IPO11: variants seen among roughly 807,000 people sequenced by gnomAD.
IPO11 encodes importin 11.
IPO11 carries 66 observed loss-of-function variants against 143.2 expected under a neutral mutation model. That is an observed-to-expected ratio of 0.46 (90% CI 0.38 to 0.57). The LOEUF is 0.57. Among genes scored for constraint, IPO11 ranks in the 20% least tolerant of loss-of-function variants. The pLI is 0.00. For synonymous variants in IPO11, 385 were observed against 377.8 expected (o/e 1.02, Z -0.22); for missense variants, 1,026 against 1,141.0 (o/e 0.90, Z 1.45).
chr5:62,484,858 T>C (rs1411760688), intron 11 of IPO11, among the ~76,000 whole-genome samples: 2 of 151,970 alleles, frequency 1.3e-5, no homozygotes, highest in Admixed American at 1.3e-4. Flanking sequence ...ATTTTAGTTT[T>C]AATACAGGAT....
intron 7 of IPO11, among the ~76,000 whole-genome samples, chr5:62,471,440 T>C (rs1745770306): frequency 6.6e-6 from 1 of 152,204 alleles, no homozygotes; most frequent in South Asian, 2.1e-4. Context: ...TTTCATTTTA[T>C]GAAAATTGAC....
At chr5:62,549,748 C>A (rs1743330507) in intron 24 of IPO11, among the ~76,000 whole-genome samples, 1 of 152,074 alleles carries the variant, frequency 6.6e-6, no homozygotes, top group South Asian at 2.1e-4. Flanking sequence ...TCATGCTTAC[C>A]CATTTTTGTT....
chr5:62,472,340 A>G (rs891244760), intron 7 of IPO11, among the ~76,000 whole-genome samples: 7 of 152,142 alleles, frequency 4.6e-5, no homozygotes, highest in Non-Finnish European at 8.8e-5. Context: ...AAGGTGAAAT[A>G]GTAGTTTGCA....
intron 28 of IPO11, among the ~76,000 whole-genome samples, chr5:62,596,090 C>G (rs890059086): frequency 1.0e-5 from 1 of 97,382 alleles, no homozygotes; most frequent in Admixed American, 1.1e-4. Context: ...GAGACCCTGT[C>G]TCTATTAAAA....
intron 5 of IPO11, among the ~76,000 whole-genome samples, chr5:62,466,240 T>TGG (rs1009283490): frequency 1.3e-5 from 2 of 152,182 alleles, no homozygotes; most frequent in Non-Finnish European, 1.5e-5. Context: ...AAAGTTGCCC[T>TGG]GGGGGATATG....
At chr5:62,461,590 A>G (rs1745358492) in intron 5 of IPO11, among the ~76,000 whole-genome samples, 1 of 152,206 alleles carries the variant, frequency 6.6e-6, no homozygotes, top group Admixed American at 6.5e-5. Context: ...TAGGCTAGCT[A>G]GAGAGTCTTG....
At chr5:62,572,537 A>ATTTG (rs552979595) in intron 27 of IPO11, among the ~76,000 whole-genome samples, 3,936 of 101,854 alleles carry the variant, frequency 0.039, 92 homozygotes, top group Middle Eastern at 0.087. Flanking sequence ...GTATATGTAT[A>ATTTG]TTTGTTTGTT....
intron 22 of IPO11, among the ~76,000 whole-genome samples, chr5:62,534,407 A>T (rs982435816): frequency 1.3e-4 from 20 of 152,304 alleles, no homozygotes; most frequent in Admixed American, 6.5e-4. Flanking sequence ...TAATTTAATA[A>T]TTCACTCCCT....
At chr5:62,597,060 A>G (rs1357647120) in intron 28 of IPO11, among the ~76,000 whole-genome samples, 3 of 152,186 alleles carry the variant, frequency 2.0e-5, no homozygotes, top group African/African-American at 7.2e-5. Context: ...CTTTACTGCT[A>G]ATATACAATA....
chr5:62,567,558 CTTTTTTTTT>C (rs34740276), intron 27 of IPO11, among the ~76,000 whole-genome samples: 2 of 70,188 alleles, frequency 2.8e-5, no homozygotes, highest in Non-Finnish European at 4.8e-5. Flanking sequence ...CTTACATTTC[CTTTTTTTTT>C]TTTTTTTTTT....
intron 24 of IPO11, among the ~76,000 whole-genome samples, chr5:62,545,928 C>G (rs1283224720): frequency 6.6e-6 from 1 of 152,112 alleles, no homozygotes; most frequent in Non-Finnish European, 1.5e-5. Context: ...GAATGGCAAC[C>G]ATTAAAAAGT....
chr5:62,515,623 A>AT (rs936841134), intron 20 of IPO11, 122 bp downstream of exon 20: 1,047 of 586,012 alleles, frequency 1.8e-3, no homozygotes, highest in African/African-American at 3.5e-3. Context: ...CATATCTTTT[A>AT]TTTTTTTTTC....
intron 29 of IPO11, among the ~76,000 whole-genome samples, chr5:62,613,387 C>G (rs1746003044): frequency 7.0e-6 from 1 of 143,368 alleles, no homozygotes; most frequent in African/African-American, 2.6e-5. Flanking sequence ...ACTGCAACCT[C>G]TATCTGATGG....
At chr5:62,599,276 A>G (rs1008769409) in intron 28 of IPO11, among the ~76,000 whole-genome samples, 1 of 152,250 alleles carries the variant, frequency 6.6e-6, no homozygotes, top group Non-Finnish European at 1.5e-5. Flanking sequence ...GTGCACACAG[A>G]TGGGCTCCAG....
At chr5:62,490,008 C>A (rs1383977611) in intron 14 of IPO11, 107 bp from the exon 15 acceptor site, 4 of 492,876 alleles carry the variant, frequency 8.1e-6, no homozygotes, top group Non-Finnish European at 1.4e-5. Context: ...AATAATTTCC[C>A]TGATTAGCAT....
intron 9 of IPO11, among the ~76,000 whole-genome samples, chr5:62,480,605 T>C (rs1421873372): frequency 6.6e-6 from 1 of 152,178 alleles, no homozygotes; most frequent in Non-Finnish European, 1.5e-5. Context: ...TTGTGTCCTC[T>C]TATTTTGTTG....
chr5:62,576,731 T>C (rs931971662), intron 27 of IPO11, among the ~76,000 whole-genome samples: 4 of 152,196 alleles, frequency 2.6e-5, no homozygotes, highest in African/African-American at 9.7e-5. Flanking sequence ...TGTGGTGAGC[T>C]GTACTCACAT....
At chr5:62,463,538 G>C (rs1234554114) in intron 5 of IPO11, among the ~76,000 whole-genome samples, 1 of 151,730 alleles carries the variant, frequency 6.6e-6, no homozygotes, top group Non-Finnish European at 1.5e-5. Context: ...ACCTGGTGTG[G>C]TGCATCCCTG....
chr5:62,514,366 G>T, intron 19 of IPO11, among the ~76,000 whole-genome samples: 1 of 152,018 alleles, frequency 6.6e-6, no homozygotes, highest in Non-Finnish European at 1.5e-5. Context: ...GAGGCTGGCG[G>T]AACACTCGCG....
Sources: allele counts gnomAD v4.1 joint callset (sites outside exome capture counted in the v4.1 genomes callset), GRCh38; gene constraint gnomAD v4.1.1; transcripts MANE v1.5; gene names NCBI Gene and HGNC (gene_info 2026-07-23, HGNC 2026-07-21).